The following ITSN1 variants were observed in gnomAD, a reference collection of about 807,000 sequenced individuals.
ITSN1 encodes the protein intersectin-1.
ITSN1 carries 58 observed loss-of-function variants against 239.8 expected under a neutral mutation model. The ratio of observed to expected loss-of-function variants is 0.24; its 90% CI spans 0.20 to 0.30. ITSN1 has a LOEUF of 0.30. ITSN1 is among the 10% of genes least tolerant of loss of function. The pLI, the probability that ITSN1 is intolerant of heterozygous loss-of-function variation, is 1.00. For missense variants in ITSN1, 1,558 were observed against 2,103.3 expected, an observed-to-expected ratio of 0.74 and a Z score of 5.07; for synonymous variants, 780 against 770.8, an observed-to-expected ratio of 1.01 and a Z score of -0.20.
At chr21:33,842,495 GGTGTGTGTGTGTGT>G (rs34019939) in intron 29 of ITSN1, among the ~76,000 whole-genome samples, 15 of 148,064 alleles carry the variant, frequency 1.0e-4, no homozygotes, top group South Asian at 4.3e-4. Flanking sequence ...TGATGTCAAC[GGTGTGTGTGTGTGT>G]GTGTGTGTGT....
chr21:33,833,867 G>A (rs1468560628), intron 27 of ITSN1, among the ~76,000 whole-genome samples: 5 of 137,190 alleles, frequency 3.6e-5, no homozygotes, highest in African/African-American at 1.1e-4. Context: ...GCGAGACTCC[G>A]TCTCAAAAAA....
chr21:33,845,188 C>CT (rs2074951470), intron 29 of ITSN1, among the ~76,000 whole-genome samples: 1 of 151,932 alleles, frequency 6.6e-6, no homozygotes, highest in African/African-American at 2.4e-5. Context: ...CAGAGCATGA[C>CT]TGGGGGCCAG....
intron 31 of ITSN1, among the ~76,000 whole-genome samples, chr21:33,864,906 A>AT (rs1174763570): frequency 3.9e-5 from 6 of 152,192 alleles, no homozygotes; most frequent in Non-Finnish European, 8.8e-5. Flanking sequence ...AAAAAACTCC[A>AT]TATTTCTGCA....
intron 5 of ITSN1, among the ~76,000 whole-genome samples, chr21:33,738,706 A>C (rs1276970737): frequency 6.6e-6 from 1 of 152,076 alleles, no homozygotes; most frequent in Non-Finnish European, 1.5e-5. Context: ...GGATGGCTTT[A>C]GGTTTTTTAA....
intron 22 of ITSN1, chr21:33,817,550 G>T: frequency 7.7e-7 from 1 of 1,304,052 alleles, no homozygotes; most frequent in Non-Finnish European, 1.0e-6. Flanking sequence ...ACACTTGGTT[G>T]TTTTTATCTC....
chr21:33,876,059 T>C (rs1199956355), intron 34 of ITSN1, among the ~76,000 whole-genome samples: 1 of 95,734 alleles, frequency 1.0e-5, no homozygotes, highest in African/African-American at 5.8e-5. Context: ...TGCTGATTTC[T>C]TTCTTTCTCT....
chr21:33,808,181 G>A lies in ITSN1; in HGVS notation c.2320-2794G>A, dbSNP rs530901729. Among the ~76,000 whole-genome samples the A allele has an allele frequency of 1.1e-4, 17 of 150,592 alleles. No individual in the cohort carries two copies. In the East Asian group the frequency reaches 1.9e-3, roughly 17 times the overall value. ...CGCAGTCCCACCTGGGCGACAGAGC[G>A]AGACTCCGTCTCAAAAAAAAAAAAA... On this transcript the variant is annotated intron_variant, in intron 20 of 39. Transcript: ENST00000381318.
intron 22 of ITSN1, among the ~76,000 whole-genome samples, chr21:33,816,331 T>C (rs1171543103): frequency 1.3e-5 from 2 of 152,232 alleles, no homozygotes; most frequent in African/African-American, 2.4e-5. Context: ...ACCACTGTTA[T>C]TTCTATCATA....
chr21:33,757,693 G>C (rs1327434992), intron 8 of ITSN1, among the ~76,000 whole-genome samples: 1 of 152,106 alleles, frequency 6.6e-6, no homozygotes, highest in Non-Finnish European at 1.5e-5. Context: ...ATTTTATGAA[G>C]TCAGAATCCC....
Position 33,858,456 on chromosome 21 carries a change from T to C in ITSN1, c.3784-230T>C, listed in dbSNP as rs537264212. Among the ~76,000 whole-genome samples the C allele has an allele frequency of 1.8e-4, 28 of 152,224 alleles. 1 individual carries two copies. The South Asian group carries it at 5.8e-3, about 32-fold the overall frequency. On this transcript the variant is annotated intron_variant, in intron 30 of 39. Coordinates refer to ENST00000381318, the MANE Select transcript of ITSN1 (RefSeq NM_003024.3). ...TGTCTCCTGGAGACTTCAGCTGCCC[T>C]CCTTCCCCTGTAAAACAATGCAGGC...
intron 10 of ITSN1, among the ~76,000 whole-genome samples, chr21:33,766,675 C>A (rs114522606): frequency 6.6e-6 from 1 of 152,164 alleles, no homozygotes; most frequent in South Asian, 2.1e-4. Context: ...GGCAAAATCC[C>A]CTTTAAATGA....
intron 28 of ITSN1, 37 bp downstream of exon 28, chr21:33,834,461 G>A: frequency 2.2e-6 from 3 of 1,378,182 alleles, no homozygotes; most frequent in South Asian, 1.2e-5. Context: ...AAGATGGTCT[G>A]CATGCCACTT....
chr21:33,865,006 C>T lies in ITSN1; in HGVS notation c.3891-145C>T. On this transcript the variant is annotated intron_variant, in intron 31 of 39. Coordinates refer to ENST00000381318, the MANE Select transcript of ITSN1 (RefSeq NM_003024.3). The surrounding 1 kb of genome is among the most constrained non-coding windows in gnomAD (Gnocchi z 4.4). ...TGTAGCCCTAGACTCATTTCTTTCT[C>T]CATTCCTTGTCTCCCAAATAGATCC... The T allele has an allele frequency of 1.5e-6, 1 of 688,558 alleles. No homozygotes were observed. Among genetic ancestry groups the T allele is most frequent in the Non-Finnish European group, 2.3e-6 (1 of 436,132 alleles). 42.7% of individuals were successfully genotyped at this position (688,558 alleles called of 1,614,324 possible).
rs1985070615 is a variant in ITSN1 at position 33,882,351 on chromosome 21, A to G, written c.4450A>G (p.Asn1484Asp). ...CAAGGAGCTGTATGGCTTCCTTTTC[A>G]ACGACTTCCTCCTGCTGACTCAGAT... Reference protein sequence around the residue: ...SNKELYGFLFNDFLLLTQITK... With the variant: ...SNKELYGFLFDDFLLLTQITK... The change falls in exon 35 of 40, where the codon AAC (asparagine) becomes GAC (aspartate). Residue 1484 changes from asparagine (N) to aspartate (D), a missense_variant. Asn to Asp is a conservative substitution (Grantham distance 23). Transcript: ENST00000381318. This position sits in a 1 kb window ranked among gnomAD's most constrained non-coding sequence, Gnocchi z 4.5. 1 of 1,614,102 alleles carries G rather than the reference A, an allele frequency of 6.2e-7. No homozygotes were observed.
At chr21:33,817,451 C>T in intron 22 of ITSN1, 1 of 1,304,414 alleles carries the variant, frequency 7.7e-7, no homozygotes, top group South Asian at 1.2e-5. Context: ...ACGCTGATGC[C>T]CCCAGGCAGA....
At chr21:33,646,063 A>G (rs1390258228) in intron 1 of ITSN1, among the ~76,000 whole-genome samples, 4 of 152,364 alleles carry the variant, frequency 2.6e-5, no homozygotes, top group Middle Eastern at 3.4e-3. Context: ...AGCGAGGCCA[A>G]TCTTTTAAAA....
At chr21:33,814,232 G>T in intron 22 of ITSN1, 160 bp downstream of exon 22, 26 of 411,938 alleles carry the variant, frequency 6.3e-5, no homozygotes, top group Middle Eastern at 7.8e-4. Context: ...GAAATCTGCT[G>T]TGAATAGTTG....
intron 29 of ITSN1, among the ~76,000 whole-genome samples, chr21:33,853,587 C>T (rs1379601465): frequency 6.6e-6 from 1 of 152,232 alleles, no homozygotes; most frequent in Non-Finnish European, 1.5e-5. Flanking sequence ...TTTCCGATTC[C>T]TCATCATTCT....
intron 19 of ITSN1, among the ~76,000 whole-genome samples, chr21:33,801,849 G>A (rs1429753219): frequency 6.6e-6 from 1 of 152,174 alleles, no homozygotes; most frequent in East Asian, 1.9e-4. Context: ...CACACAAATG[G>A]TAACTTGAGC....
Sources: gnomAD v4.1 joint callset for allele counts (sites outside exome capture counted in the v4.1 genomes callset) on GRCh38, gnomAD v4.1.1 for gene constraint, Gnocchi (gnomAD v3.1) non-coding constraint, MANE v1.5 for transcripts, NCBI Gene and HGNC (gene_info 2026-07-23, HGNC 2026-07-21) for gene names.